The following PTAR1 variants were observed in gnomAD, a reference collection of about 807,000 sequenced individuals.
PTAR1 encodes protein prenyltransferase alpha subunit repeat-containing protein 1.
PTAR1 carries 17 observed loss-of-function variants against 45.5 expected under a neutral mutation model. The observed-to-expected ratio is 0.37, with a 90% confidence interval of 0.26 to 0.56. PTAR1 has a LOEUF of 0.56. PTAR1 is among the 20% of genes least tolerant of loss of function. The probability of loss-of-function intolerance (pLI) is 0.77; values close to 1 mark genes in which losing one functional copy is unlikely to be tolerated. For missense variants in PTAR1, 391 were observed against 476.3 expected (o/e 0.82, Z 1.67); for synonymous variants, 169 against 171.3 (o/e 0.99, Z 0.11).
At chr9:69,736,332 G>A (rs866183564) in intron 3 of PTAR1, among the ~76,000 whole-genome samples, 6 of 152,300 alleles carry the variant, frequency 3.9e-5, no homozygotes, top group Middle Eastern at 3.4e-3. Context: ...GCCGAGGCAG[G>A]TGGATCACGA....
chr9:69,744,109 T>C (rs889912076), intron 2 of PTAR1, among the ~76,000 whole-genome samples: 1 of 152,202 alleles, frequency 6.6e-6, no homozygotes, highest in Non-Finnish European at 1.5e-5. Flanking sequence ...TGGTAAAATG[T>C]ACCAGGAAGT....
chr9:69,756,890 A>C (rs910085169), intron 1 of PTAR1, among the ~76,000 whole-genome samples: 2 of 152,222 alleles, frequency 1.3e-5, no homozygotes, highest in African/African-American at 4.8e-5. Flanking sequence ...AGGCACATGG[A>C]GCCACTACGT....
At chr9:69,749,726 C>G (rs1242638951) in intron 2 of PTAR1, among the ~76,000 whole-genome samples, 1 of 152,024 alleles carries the variant, frequency 6.6e-6, no homozygotes, top group East Asian at 1.9e-4. Context: ...GACAGAAATT[C>G]AAGGAAATCA....
intron 6 of PTAR1, 89 bp downstream of exon 6, chr9:69,723,237 C>T: frequency 9.2e-7 from 1 of 1,088,508 alleles, no homozygotes; most frequent in African/African-American, 1.6e-5. Context: ...TTTACCCAAG[C>T]AGGCAGGAAT....
intron 3 of PTAR1, among the ~76,000 whole-genome samples, chr9:69,738,346 T>C (rs1214080955): frequency 6.6e-6 from 1 of 152,216 alleles, no homozygotes; most frequent in Non-Finnish European, 1.5e-5. Context: ...CACTACTTTT[T>C]GCAAGAAAGT....
Position 69,750,948 on chromosome 9 carries a change from T to C in PTAR1, c.89A>G (p.Asp30Gly), listed in dbSNP as rs200966061. ...TNAFRRNPHI[D>G]EIGLIPCPEA... ...AGGACATGGGATCAGGCCAATTTCA[T>C]CTCTTAATATGTAAAACATAAAAAA... The change falls in exon 2 of 8, where the codon GAT becomes GGT. Residue 30 changes from aspartate (D) to glycine (G), a missense_variant and splice_region_variant. By Grantham distance (94) the Asp-to-Gly change is moderately conservative. Transcript: ENST00000340434. 3.6e-4 allele frequency: 570 copies of C among 1,566,374 alleles called. No individual in the cohort carries two copies. The highest frequency in any genetic ancestry group is 4.7e-4 in the Non-Finnish European group (540 of 1,157,662).
Position 69,717,862 on chromosome 9 carries a change from A to T in PTAR1, c.*480T>A, listed in dbSNP as rs1034081395. On this transcript the variant is annotated 3_prime_UTR_variant, in exon 8 of 8. Coordinates refer to ENST00000340434, the MANE Select transcript of PTAR1 (RefSeq NM_001099666.2). Reference sequence around the variant, plus strand: ...TGCATAGCTAGGAACACAGTTGCATAGCACCATGCCTAGCTATTTTGTTTT... The same window carrying T: ...TGCATAGCTAGGAACACAGTTGCATTGCACCATGCCTAGCTATTTTGTTTT... The T allele has an allele frequency of 6.5e-6, 1 of 153,478 alleles. No individual in the cohort carries two copies. The highest frequency in any genetic ancestry group is 3.2e-3 in the Middle Eastern group (1 of 316). The allele number at this position is 153,478 out of a possible 1,614,324, so 9.5% of individuals were successfully genotyped here. A position where few individuals can be genotyped will look rare whatever the true frequency, so the allele number is the denominator to read the frequency against.
intron 1 of PTAR1, chr9:69,757,607 C>A (rs191271883): frequency 8.5e-5 from 13 of 152,232 alleles, no homozygotes; most frequent in African/African-American, 3.1e-4. Flanking sequence ...TAAACAAAGT[C>A]AATGTATTTA....
At chr9:69,727,198 G>T (rs369452438) in intron 5 of PTAR1, among the ~76,000 whole-genome samples, 1 of 151,830 alleles carries the variant, frequency 6.6e-6, no homozygotes, top group South Asian at 2.1e-4. Flanking sequence ...TTAAGATAAC[G>T]CTCTTAGAAA....
At position 69,715,484 on chromosome 9, in the gene PTAR1, G is replaced by A. The variant is rs1471512044; in HGVS notation, c.*2858C>T. 6.6e-6 allele frequency: 1 copy of A among 152,174 alleles called. No individual in the cohort carries two copies. Among genetic ancestry groups the A allele is most frequent in the East Asian group, 1.9e-4 (1 of 5,188 alleles). The allele number at this position is 152,174 out of a possible 1,614,324, so 9.4% of individuals were successfully genotyped here. On this transcript the variant is annotated 3_prime_UTR_variant, in exon 8 of 8. Coordinates refer to ENST00000340434, the MANE Select transcript of PTAR1 (RefSeq NM_001099666.2). ...CTAAAGTACACTAAGGTACACTAAA[G>A]GCGGGGTGAAGGTGGTGTTGGAGAC...
intron 2 of PTAR1, among the ~76,000 whole-genome samples, chr9:69,747,402 A>C (rs10123968): frequency 2.0e-4 from 30 of 152,238 alleles, no homozygotes; most frequent in African/African-American, 7.2e-4. Flanking sequence ...TTAAGACATG[A>C]GCCTGGCCTC....
Position 69,735,964 on chromosome 9 carries a change from A to G in PTAR1, c.324-1710T>C, listed in dbSNP as rs553063772. Among the ~76,000 whole-genome samples the G allele has an allele frequency of 4.9e-4, 74 of 149,816 alleles. 1 individual carries two copies. The highest frequency in any genetic ancestry group is 9.9e-4 in the Non-Finnish European group (67 of 67,520). ...TATATATATAATATATATATAAAAT[A>G]TATATTTTTTTCTTGCAACAGCCAA... On this transcript the variant is annotated intron_variant, in intron 3 of 7. Transcript: ENST00000340434.
chr9:69,734,342 C>A, intron 3 of PTAR1, 88 bp from the exon 4 acceptor site: 1 of 563,486 alleles, frequency 1.8e-6, no homozygotes, highest in South Asian at 3.6e-5. Context: ...AATATAATCT[C>A]ATTGTGAAGC....
At chr9:69,730,165 T>C (rs1825469786) in intron 5 of PTAR1, among the ~76,000 whole-genome samples, 1 of 152,130 alleles carries the variant, frequency 6.6e-6, no homozygotes, top group Non-Finnish European at 1.5e-5. Flanking sequence ...GAGCAAGAGA[T>C]GTTGCAGTGG....
At position 69,716,019 on chromosome 9, in the gene PTAR1, A is replaced by G. The variant is rs1359425769; in HGVS notation, c.*2323T>C. 6.6e-6 allele frequency: 1 copy of G among 152,158 alleles called. No homozygotes were observed. Among genetic ancestry groups the G allele is most frequent in the African/African-American group, 2.4e-5 (1 of 41,460 alleles). 9.4% of individuals were successfully genotyped at this position (152,158 alleles called of 1,614,324 possible). A position where few individuals can be genotyped will look rare whatever the true frequency, so the allele number is the denominator to read the frequency against. ...TTACACACCAAAGATAGGCAAGATA[A>G]TCAGTGGAAGGTACACAAAGGCATG... On this transcript the variant is annotated 3_prime_UTR_variant, in exon 8 of 8. Coordinates refer to ENST00000340434, the MANE Select transcript of PTAR1 (RefSeq NM_001099666.2).
intron 1 of PTAR1, 40 bp from the exon 2 acceptor site, chr9:69,750,990 TACTA>T: frequency 7.5e-7 from 1 of 1,338,274 alleles, no homozygotes; most frequent in Non-Finnish European, 1.0e-6. Context: ...AAAATAAGGA[TACTA>T]ACCTTTTCAA....
intron 3 of PTAR1, among the ~76,000 whole-genome samples, chr9:69,738,175 T>C (rs1044991195): frequency 5.4e-4 from 82 of 152,322 alleles, no homozygotes; most frequent in African/African-American, 1.9e-3. Flanking sequence ...GTATTTTGTA[T>C]AATGTTTTTC....
In PTAR1 at chr9:69,759,555, G is replaced by T. The variant is rs577358015; in HGVS notation, c.86+298C>A. ...CACAGGAAGGATGTCGACCTACGGGGGACGTCTCTGGAGTTTCGTGAACTC... is the reference window on the plus strand; with the variant it reads ...CACAGGAAGGATGTCGACCTACGGGTGACGTCTCTGGAGTTTCGTGAACTC... On this transcript the variant is annotated intron_variant, in intron 1 of 7. Coordinates refer to ENST00000340434, the MANE Select transcript of PTAR1 (RefSeq NM_001099666.2). 3.3e-5 allele frequency among the ~76,000 whole-genome samples: 5 copies of T among 152,312 alleles called. No homozygotes were observed. In the South Asian group the frequency reaches 1.0e-3, roughly 32 times the overall value.
At chr9:69,719,015 A>G (rs1226369410) in intron 6 of PTAR1, among the ~76,000 whole-genome samples, 1 of 152,210 alleles carries the variant, frequency 6.6e-6, no homozygotes, top group Non-Finnish European at 1.5e-5. Flanking sequence ...TGACAGTCTT[A>G]TTTCTGCTAT....
Sources: gnomAD v4.1 joint callset for allele counts (sites outside exome capture counted in the v4.1 genomes callset) on GRCh38, gnomAD v4.1.1 for gene constraint, MANE v1.5 for transcripts, NCBI Gene and HGNC (gene_info 2026-07-23, HGNC 2026-07-21) for gene names.